Variants in SMKR1 observed in about 807,000 individuals in gnomAD.
SMKR1 encodes the protein small lysine-rich protein 1.
In SMKR1, 4 loss-of-function variants were observed where a neutral mutation model predicts 4.0. That is an observed-to-expected ratio of 1.00 (90% CI 0.49 to 2.30). SMKR1 has a LOEUF of 2.30. Among genes scored for constraint, SMKR1 ranks in the 30% most tolerant of loss-of-function variants. The pLI is 0.02. For synonymous variants in SMKR1, 38 were observed against 32.5 expected (o/e 1.17, Z -0.58); for missense variants, 56 against 81.8 (o/e 0.68, Z 1.22).
At chr7:129,511,031 A>T (rs186989137) in intron 1 of SMKR1, among the ~76,000 whole-genome samples, 282 of 152,236 alleles carry the variant, frequency 1.9e-3, no homozygotes, top group African/African-American at 6.0e-3. Flanking sequence ...CTGGTCTCGA[A>T]CTTCCTGACC....
At chr7:129,503,716 A>T (rs1342364315) in intron 1 of SMKR1, among the ~76,000 whole-genome samples, 1 of 152,152 alleles carries the variant, frequency 6.6e-6, no homozygotes, top group East Asian at 1.9e-4. Flanking sequence ...ACTCTAGTGT[A>T]GAAATCATTA....
intron 1 of SMKR1, among the ~76,000 whole-genome samples, chr7:129,511,198 C>T (rs1024130538): frequency 2.0e-5 from 3 of 152,224 alleles, no homozygotes; most frequent in African/African-American, 7.2e-5. Context: ...TGCCAACATA[C>T]ATATTTGCAT....
chr7:129,502,685 C>A lies in SMKR1; in HGVS notation c.-140C>A. 7.7e-7 allele frequency: 1 copy of A among 1,303,744 alleles called. No homozygotes were observed. Among genetic ancestry groups the A allele is most frequent in the East Asian group, 2.6e-5 (1 of 38,438 alleles). 80.8% of individuals were successfully genotyped at this position (1,303,744 alleles called of 1,614,324 possible). On this transcript the variant is annotated 5_prime_UTR_variant, in exon 1 of 2. Transcript: ENST00000462322. ...CGGGGAGGCGTAGTGAGGCTGGGCC[C>A]GTGGCGGTTCCCTGAGGAGGGCCGA...
chr7:129,502,858 C>T, intron 1 of SMKR1, 31 bp downstream of exon 1: 1 of 1,534,472 alleles, frequency 6.5e-7, no homozygotes, highest in Non-Finnish European at 8.7e-7. Flanking sequence ...GTACCCGGGG[C>T]CAGGGCGCGC....
intron 1 of SMKR1, among the ~76,000 whole-genome samples, 184 bp downstream of exon 1, chr7:129,503,011 G>A (rs1799427290): frequency 6.6e-6 from 1 of 150,796 alleles, no homozygotes. Flanking sequence ...CAGCAGCCGC[G>A]GAGTCAGGCC....
Position 129,502,544 on chromosome 7 carries a change from G to C in SMKR1, c.-281G>C. 6.1e-6 allele frequency: 2 copies of C among 326,446 alleles called. No homozygotes were observed. Among genetic ancestry groups the C allele is most frequent in the Non-Finnish European group, 1.1e-5 (2 of 181,972 alleles). 20.2% of individuals were successfully genotyped at this position (326,446 alleles called of 1,614,324 possible). On this transcript the variant is annotated 5_prime_UTR_variant, in exon 1 of 2. Transcript: ENST00000462322. ...CGCCCCCGAGGCGCACGCCGGCCCAGCGCCCACAGCTGCGGCGGCCTAGGT... is the reference window on the plus strand; with the variant it reads ...CGCCCCCGAGGCGCACGCCGGCCCACCGCCCACAGCTGCGGCGGCCTAGGT...
intron 1 of SMKR1, among the ~76,000 whole-genome samples, chr7:129,503,829 C>CTTTT (rs11404964): frequency 7.9e-6 from 1 of 126,294 alleles, no homozygotes; most frequent in Non-Finnish European, 1.6e-5. Context: ...GAGCTATTAC[C>CTTTT]TTTTTTTTTT....
intron 1 of SMKR1, among the ~76,000 whole-genome samples, chr7:129,504,065 G>A (rs1799440045): frequency 6.6e-6 from 1 of 152,016 alleles, no homozygotes; most frequent in Admixed American, 6.5e-5. Flanking sequence ...TGGGCTCAAG[G>A]GATCCGCCCG....
At chr7:129,511,689 T>G (rs1212747231) in intron 1 of SMKR1, among the ~76,000 whole-genome samples, 1 of 152,238 alleles carries the variant, frequency 6.6e-6, no homozygotes. Flanking sequence ...ATTATTATAA[T>G]TCTGGGTCAG....
intron 1 of SMKR1, among the ~76,000 whole-genome samples, chr7:129,511,805 G>T (rs77368664): frequency 0.04 from 6,115 of 152,254 alleles, 139 homozygotes; most frequent in Middle Eastern, 0.11. Flanking sequence ...ACTGTTTGTT[G>T]TGGCTGCTAT....
At chr7:129,506,093 A>G (rs1799462227) in intron 1 of SMKR1, among the ~76,000 whole-genome samples, 1 of 152,192 alleles carries the variant, frequency 6.6e-6, no homozygotes, top group African/African-American at 2.4e-5. Context: ...CCATGTAATA[A>G]TTTCTTAACA....
chr7:129,502,714 G>A lies in SMKR1; in HGVS notation c.-111G>A, dbSNP rs1377399958. ...GCGGTTCCCTGAGGAGGGCCGAGAAGGGGCCGGGGGTGCTAGGGGAACGGG... is the reference window on the plus strand; with the variant it reads ...GCGGTTCCCTGAGGAGGGCCGAGAAAGGGCCGGGGGTGCTAGGGGAACGGG... On this transcript the variant is annotated 5_prime_UTR_variant, in exon 1 of 2. Transcript: ENST00000462322. The A allele has an allele frequency of 1.3e-6, 2 of 1,494,538 alleles. No homozygotes were observed. Among genetic ancestry groups the A allele is most frequent in the African/African-American group, 1.4e-5 (1 of 70,386 alleles). The allele number at this position is 1,494,538 out of a possible 1,614,324, so 92.6% of individuals were successfully genotyped here.
intron 1 of SMKR1, among the ~76,000 whole-genome samples, chr7:129,504,075 G>A (rs1401733108): frequency 2.6e-5 from 4 of 152,058 alleles, no homozygotes; most frequent in Admixed American, 6.6e-5. Context: ...GGATCCGCCC[G>A]CCTTGGCCTC....
rs947481490 is a variant in SMKR1 at position 129,512,236 on chromosome 7, G to A, written c.4-11G>A. The A allele has an allele frequency of 4.0e-6, 6 of 1,498,900 alleles. No individual in the cohort carries two copies. The Admixed American group carries it at 1.5e-4, about 38-fold the overall frequency. The allele number at this position is 1,498,900 out of a possible 1,614,324, so 92.9% of individuals were successfully genotyped here. A position where few individuals can be genotyped will look rare whatever the true frequency, so the allele number is the denominator to read the frequency against. ...CTTCCCTCCTCCCATATTTATATTT[G>A]TCTTTGAAAGCCAGCTAAAGGGAAA... On this transcript the variant is annotated splice_polypyrimidine_tract_variant and intron_variant, in intron 1 of 1. Transcript: ENST00000462322.
chr7:129,510,405 A>T (rs911078878), intron 1 of SMKR1, among the ~76,000 whole-genome samples: 1 of 152,204 alleles, frequency 6.6e-6, no homozygotes, highest in Non-Finnish European at 1.5e-5. Context: ...GGAATAATAC[A>T]TAGAAATACA....
At chr7:129,505,146 T>G (rs1799451882) in intron 1 of SMKR1, among the ~76,000 whole-genome samples, 1 of 152,246 alleles carries the variant, frequency 6.6e-6, no homozygotes. Context: ...ATCCTTGCAG[T>G]GTGGCAGATA....
rs62489127 is a variant in SMKR1, at chr7:129,512,369, C to T, written c.126C>T (p.Val42=). ...MLNLYYIAHN[V]ADCLHLRGFH... The stretch of plus-strand genomic sequence containing the variant: ...ACCTCTACTACATCGCCCACAACGT[C>T]GCTGACTGCCTGCATCTGCGAGGCT... Residue 42 remains valine, a synonymous_variant, in exon 2 of 2, where the codon GTC becomes GTT. Transcript: ENST00000462322. The T allele has an allele frequency of 3.3e-5, 50 of 1,535,958 alleles. No individual in the cohort carries two copies. The highest frequency in any genetic ancestry group is 3.3e-4 in the Middle Eastern group (2 of 6,012).
chr7:129,506,065 A>G (rs993369677), intron 1 of SMKR1, among the ~76,000 whole-genome samples: 2 of 152,200 alleles, frequency 1.3e-5, no homozygotes, highest in African/African-American at 4.8e-5. Flanking sequence ...GGGCCCAGAA[A>G]CAAAACCTTT....
At chr7:129,504,106 G>T (rs1018348248) in intron 1 of SMKR1, among the ~76,000 whole-genome samples, 1 of 152,186 alleles carries the variant, frequency 6.6e-6, no homozygotes, top group African/African-American at 2.4e-5. Context: ...GGGATTACAG[G>T]TGTGAGCCAC....
Sources: gnomAD v4.1 joint callset for allele counts (sites outside exome capture counted in the v4.1 genomes callset) on GRCh38, gnomAD v4.1.1 for gene constraint, MANE v1.5 for transcripts, NCBI Gene and HGNC (gene_info 2026-07-23, HGNC 2026-07-21) for gene names.